AOPEP: variants seen among roughly 807,000 people sequenced by gnomAD.
AOPEP encodes the protein aminopeptidase O.
A neutral mutation model predicts 98.1 loss-of-function variants in AOPEP; 77 were observed. The ratio of observed to expected loss-of-function variants is 0.78; its 90% confidence interval spans 0.65 to 0.95. The LOEUF is 0.95. Among genes scored for constraint, AOPEP ranks in the 40% least tolerant of loss-of-function variants. The probability of loss-of-function intolerance (pLI) is 0.00; values close to 1 mark genes in which losing one functional copy is unlikely to be tolerated. For synonymous variants in AOPEP, 346 were observed against 365.3 expected (o/e 0.95, Z 0.60); for missense variants, 1,024 against 1,024.7 (o/e 1.00, Z 0.01).
At chr9:94,779,219 G>T (rs1842785316) in intron 3 of AOPEP, among the ~76,000 whole-genome samples, 1 of 152,126 alleles carries the variant, frequency 6.6e-6, no homozygotes, top group African/African-American at 2.4e-5. Context: ...TTGGTTCCCT[G>T]ACTTGCTGAA....
chr9:94,805,492 T>G (rs1340331650), intron 5 of AOPEP, among the ~76,000 whole-genome samples: 1 of 130,558 alleles, frequency 7.7e-6, no homozygotes, highest in Non-Finnish European at 1.5e-5. Context: ...TTGTTTTTTG[T>G]TTTTTTTTTT....
At chr9:95,016,245 ATTT>A (rs532120566) in intron 13 of AOPEP, among the ~76,000 whole-genome samples, 3 of 123,656 alleles carry the variant, frequency 2.4e-5, no homozygotes, top group African/African-American at 3.1e-5. Flanking sequence ...TTCTCTTGTG[ATTT>A]TTTTTTTTTT....
At chr9:94,978,067 C>A (rs2138646874) in intron 10 of AOPEP, among the ~76,000 whole-genome samples, 3 of 152,274 alleles carry the variant, frequency 2.0e-5, no homozygotes, top group East Asian at 3.9e-4. Context: ...CCTCCCAAAG[C>A]CAACCCCTCC....
chr9:94,786,648 G>A (rs1042345344), intron 3 of AOPEP, among the ~76,000 whole-genome samples: 6 of 152,192 alleles, frequency 3.9e-5, no homozygotes, highest in African/African-American at 1.4e-4. Context: ...CAACTCAAAA[G>A]AGACTTTTCT....
At chr9:95,028,494 G>C (rs1037807528) in intron 13 of AOPEP, among the ~76,000 whole-genome samples, 1 of 152,162 alleles carries the variant, frequency 6.6e-6, no homozygotes, top group Non-Finnish European at 1.5e-5. Context: ...CTAATATTTG[G>C]GCTTAGAAAT....
At chr9:94,848,025 A>T (rs968514586) in intron 5 of AOPEP, among the ~76,000 whole-genome samples, 9 of 152,182 alleles carry the variant, frequency 5.9e-5, no homozygotes, top group Admixed American at 3.9e-4. Context: ...AATTTCTACA[A>T]TCTAAAGTGG....
At chr9:94,961,168 T>C (rs1389665189) in intron 9 of AOPEP, among the ~76,000 whole-genome samples, 1 of 152,216 alleles carries the variant, frequency 6.6e-6, no homozygotes, top group Non-Finnish European at 1.5e-5. Context: ...TGGAAACTTC[T>C]GCAGTCATCC....
At position 94,972,868 on chromosome 9, in the gene AOPEP, G is replaced by A. The variant is rs750927234; in HGVS notation, c.1916+5067G>A. Among the ~76,000 whole-genome samples the A allele has an allele frequency of 1.3e-5, 2 of 151,996 alleles. No individual in the cohort carries two copies. The highest frequency in any genetic ancestry group is 2.1e-4 in the South Asian group (1 of 4,820). On this transcript the variant is annotated intron_variant, in intron 10 of 16. Transcript: ENST00000375315. The surrounding 1 kb of genome is among the most constrained non-coding windows in gnomAD (Gnocchi z 4.2). Reference sequence around the variant, plus strand: ...GTGGGAGGATGGCTTGAGTCCAGGCGTTTGAGGCTGCAATGAGCTGAGATT... The same window carrying A: ...GTGGGAGGATGGCTTGAGTCCAGGCATTTGAGGCTGCAATGAGCTGAGATT...
At chr9:94,811,297 A>G (rs1271718036) in intron 5 of AOPEP, among the ~76,000 whole-genome samples, 3 of 152,116 alleles carry the variant, frequency 2.0e-5, no homozygotes, top group Non-Finnish European at 2.9e-5. Context: ...GGAAGATATT[A>G]TGTCCCCTAG....
the AOPEP span, chr9:95,125,053 GGAT>G: frequency 1.3e-6 from 2 of 1,550,560 alleles, no homozygotes; most frequent in Non-Finnish European, 1.8e-6. Context: ...TTATTCTCTG[GGAT>G]GAATGAGTAA....
intron 5 of AOPEP, among the ~76,000 whole-genome samples, chr9:94,810,403 C>G (rs1302380969): frequency 6.6e-6 from 1 of 151,742 alleles, no homozygotes; most frequent in Non-Finnish European, 1.5e-5. Context: ...CATACTCTAC[C>G]TCCCAGGTTC....
chr9:94,895,768 G>A (rs1018422517), intron 5 of AOPEP, among the ~76,000 whole-genome samples: 3 of 152,060 alleles, frequency 2.0e-5, no homozygotes, highest in African/African-American at 7.2e-5. Flanking sequence ...TGTTTGAGAG[G>A]CTGGTCTTGA....
At chr9:94,931,759 T>C (rs1258482572) in intron 7 of AOPEP, 2 of 1,550,554 alleles carry the variant, frequency 1.3e-6, no homozygotes, top group South Asian at 2.4e-5. Context: ...TCTTGAGATC[T>C]TTGCCACACT....
chr9:95,029,930 T>G (rs536775600), intron 13 of AOPEP, among the ~76,000 whole-genome samples: 1 of 152,156 alleles, frequency 6.6e-6, no homozygotes, highest in African/African-American at 2.4e-5. Flanking sequence ...GCTCAAGTTG[T>G]TGAAATCTGG....
At chr9:95,138,564 G>A in the AOPEP span, among the ~76,000 whole-genome samples, 1 of 152,232 alleles carries the variant, frequency 6.6e-6, no homozygotes, top group Non-Finnish European at 1.5e-5. Flanking sequence ...GCTTTGACCA[G>A]CTTTCCTCAT....
chr9:94,861,194 G>A (rs1404030142), intron 5 of AOPEP, among the ~76,000 whole-genome samples: 1 of 152,168 alleles, frequency 6.6e-6, no homozygotes, highest in Non-Finnish European at 1.5e-5. Flanking sequence ...TGTGGCTCTC[G>A]AGGAGGCTTC....
chr9:94,920,194 A>G (rs1355737511), intron 5 of AOPEP: 7 of 152,424 alleles, frequency 4.6e-5, no homozygotes, highest in Admixed American at 1.3e-4. Context: ...GTGGTGGCGC[A>G]TGCCTGTAAT....
At chr9:95,098,774 G>A in the AOPEP span, among the ~76,000 whole-genome samples, 2 of 152,238 alleles carry the variant, frequency 1.3e-5, no homozygotes, top group African/African-American at 2.4e-5. Context: ...GAGGCTTATG[G>A]TCAAGCCTGG....
At chr9:95,125,921 C>T in the AOPEP span, among the ~76,000 whole-genome samples, 50 of 152,362 alleles carry the variant, frequency 3.3e-4, no homozygotes, top group African/African-American at 1.2e-3. Context: ...AGTACTCCCA[C>T]TAACTTAGTA....
Sources: allele counts gnomAD v4.1 joint callset (sites outside exome capture counted in the v4.1 genomes callset), GRCh38; gene constraint gnomAD v4.1.1; non-coding constraint Gnocchi (gnomAD v3.1); transcripts MANE v1.5; gene names NCBI Gene and HGNC (gene_info 2026-07-23, HGNC 2026-07-21).